The following IL19 variants were observed in gnomAD, a reference collection of about 807,000 sequenced individuals.
IL19 encodes the protein interleukin 19.
Under a neutral mutation model 19.5 loss-of-function variants are expected in IL19, and 15 were observed. The ratio of observed to expected loss-of-function variants is 0.77; its 90% CI spans 0.52 to 1.19. IL19 has a LOEUF of 1.19. Among genes scored for constraint, IL19 ranks in the 50% most tolerant of loss-of-function variants. The probability of loss-of-function intolerance (pLI) is 0.00; values close to 1 mark genes in which losing one functional copy is unlikely to be tolerated. For missense variants in IL19, 199 were observed against 213.1 expected (o/e 0.93, Z 0.41); for synonymous variants, 78 against 78.3 (o/e 1.00, Z 0.02).
chr1:206,821,428 G>A (rs1485116385), intron 2 of IL19, among the ~76,000 whole-genome samples: 1 of 152,182 alleles, frequency 6.6e-6, no homozygotes, highest in Non-Finnish European at 1.5e-5. Context: ...CGATGCTTGC[G>A]GCTTTCAGGT....
At chr1:206,809,662 G>A (rs993871250) in intron 2 of IL19, among the ~76,000 whole-genome samples, 16 of 152,168 alleles carry the variant, frequency 1.1e-4, no homozygotes, top group African/African-American at 3.4e-4. Flanking sequence ...AGTATAAGGC[G>A]GGTTGTGCAA....
chr1:206,809,566 A>T (rs1675947258), intron 2 of IL19, among the ~76,000 whole-genome samples: 1 of 152,180 alleles, frequency 6.6e-6, no homozygotes, highest in South Asian at 2.1e-4. Flanking sequence ...AAAGTACCAT[A>T]CCAACCTCTG....
intron 1 of IL19, among the ~76,000 whole-genome samples, chr1:206,779,949 A>G (rs1675093395): frequency 6.6e-6 from 1 of 151,314 alleles, no homozygotes; most frequent in Non-Finnish European, 1.5e-5. Flanking sequence ...TCAGCCTCCA[A>G]GTGGCTGGGC....
At chr1:206,812,063 G>T (rs1285130013) in intron 2 of IL19, among the ~76,000 whole-genome samples, 1 of 152,264 alleles carries the variant, frequency 6.6e-6, no homozygotes, top group East Asian at 1.9e-4. Context: ...TTAATAGAAA[G>T]ATTTGATGGT....
intron 2 of IL19, chr1:206,834,092 G>A (rs1676702551): frequency 2.0e-6 from 2 of 985,464 alleles, no homozygotes; most frequent in Non-Finnish European, 2.4e-6. Context: ...ACATAGAATT[G>A]CAAAAAATTC....
chr1:206,834,265 C>T, intron 2 of IL19: 1 of 985,514 alleles, frequency 1.0e-6, no homozygotes, highest in Non-Finnish European at 1.2e-6. Context: ...AAAACAATCT[C>T]CCCAAGGTGG....
chr1:206,793,620 C>G (rs1021236045), intron 1 of IL19, among the ~76,000 whole-genome samples: 1 of 152,224 alleles, frequency 6.6e-6, no homozygotes, highest in Admixed American at 6.5e-5. Flanking sequence ...AACAAAATGG[C>G]ACATCCTCTC....
chr1:206,821,128 T>A (rs971882328), intron 2 of IL19, among the ~76,000 whole-genome samples: 1 of 152,240 alleles, frequency 6.6e-6, no homozygotes, highest in African/African-American at 2.4e-5. Flanking sequence ...CTTCAGGGGA[T>A]GAAATTGTTG....
chr1:206,785,056 A>G (rs1675237997), intron 1 of IL19, among the ~76,000 whole-genome samples: 1 of 152,150 alleles, frequency 6.6e-6, no homozygotes, highest in South Asian at 2.1e-4. Flanking sequence ...AAAGTCCCCC[A>G]ATGCCTCCAT....
At chr1:206,837,345 C>G (rs554684119) in intron 4 of IL19, among the ~76,000 whole-genome samples, 6 of 152,026 alleles carry the variant, frequency 3.9e-5, no homozygotes, top group African/African-American at 1.4e-4. Flanking sequence ...GGTGACTTAA[C>G]CCGAGGAGGT....
chr1:206,820,502 G>T (rs1367397360), intron 2 of IL19, among the ~76,000 whole-genome samples: 1 of 152,198 alleles, frequency 6.6e-6, no homozygotes, highest in Non-Finnish European at 1.5e-5. Flanking sequence ...GAAAGATCAA[G>T]ATATTGGCAC....
intron 2 of IL19, chr1:206,829,254 G>C (rs1407628910): frequency 6.6e-6 from 1 of 152,096 alleles, no homozygotes; most frequent in Non-Finnish European, 1.5e-5. Context: ...TGGAATTTCA[G>C]GTAGATAAAC....
At chr1:206,774,138 G>A (rs911560940) in intron 1 of IL19, among the ~76,000 whole-genome samples, 6 of 152,242 alleles carry the variant, frequency 3.9e-5, no homozygotes, top group Non-Finnish European at 7.3e-5. Context: ...CCAGCGTGAA[G>A]TGAGTGGGAG....
intron 1 of IL19, among the ~76,000 whole-genome samples, chr1:206,782,399 C>A (rs1305828155): frequency 1.4e-5 from 2 of 141,544 alleles, no homozygotes; most frequent in East Asian, 4.9e-4. Flanking sequence ...TCAGACCACC[C>A]TTAGAGAATG....
chr1:206,810,284 G>A (rs1281940917), intron 2 of IL19, among the ~76,000 whole-genome samples: 1 of 152,166 alleles, frequency 6.6e-6, no homozygotes, highest in African/African-American at 2.4e-5. Context: ...ACTGGAAGTG[G>A]CTCTAAAATT....
In IL19 at chr1:206,821,790, A is replaced by C. The variant is rs145811516; in HGVS notation, c.-2-14871A>C. ...TGCTCTGGTATGCCGCCACCCTGGGATCAACAGCTCCCTTTCCCCCAGGAT... is the reference window on the plus strand; with the variant it reads ...TGCTCTGGTATGCCGCCACCCTGGGCTCAACAGCTCCCTTTCCCCCAGGAT... On this transcript the variant is annotated intron_variant, in intron 2 of 6. Coordinates refer to ENST00000659997, the MANE Select transcript of IL19 (RefSeq NM_153758.5). Among the ~76,000 whole-genome samples, 363 of 152,268 alleles carry C rather than the reference A, an allele frequency of 2.4e-3. 2 individuals are homozygous for C. The highest frequency in any genetic ancestry group is 8.2e-3 in the African/African-American group (339 of 41,538).
At chr1:206,821,941 C>G (rs1558618075) in intron 2 of IL19, among the ~76,000 whole-genome samples, 1 of 152,172 alleles carries the variant, frequency 6.6e-6, no homozygotes, top group African/African-American at 2.4e-5. Context: ...TCCCACAGGC[C>G]TTGTTCTTGC....
rs1572575429 is a variant in IL19 at position 206,836,948 on chromosome 1, C to T, written c.145-10C>T. 1 of 1,612,840 alleles carries T rather than the reference C, an allele frequency of 6.2e-7. No individual in the cohort carries two copies. The highest frequency in any genetic ancestry group is 1.1e-5 in the South Asian group (1 of 91,052). On this transcript the variant is annotated splice_polypyrimidine_tract_variant and intron_variant, in intron 3 of 6. Transcript: ENST00000659997. ...ATTGCTTATGTCTGTTCTTATGTTT[C>T]CCTCCACAGCAAGCTAAGGACACCT...
intron 2 of IL19, chr1:206,834,007 G>A: frequency 1.0e-6 from 1 of 985,514 alleles, no homozygotes; most frequent in African/African-American, 1.7e-5. Flanking sequence ...GCTTTTGTGA[G>A]TTGGCCTGCA....
Sources: allele counts gnomAD v4.1 joint callset (sites outside exome capture counted in the v4.1 genomes callset), GRCh38; gene constraint gnomAD v4.1.1; transcripts MANE v1.5; gene names NCBI Gene and HGNC (gene_info 2026-07-23, HGNC 2026-07-21).